The following PDE4D variants were observed in gnomAD, a reference collection of about 807,000 sequenced individuals.
The protein encoded by PDE4D is phosphodiesterase 4D.
PDE4D carries 24 observed loss-of-function variants against 87.4 expected under a neutral mutation model. The ratio of observed to expected loss-of-function variants is 0.27; its 90% CI spans 0.20 to 0.39. The LOEUF (loss-of-function observed/expected upper bound fraction) is 0.39. Among genes scored for constraint, PDE4D ranks in the 10% least tolerant of loss-of-function variants. PDE4D has a pLI of 1.00. For missense variants in PDE4D, 714 were observed against 1,041.0 expected (o/e 0.69, Z 4.32); for synonymous variants, 384 against 383.2 (o/e 1.00, Z -0.02).
chr5:60,339,372 C>A (rs752970779), intron 1 of PDE4D, among the ~76,000 whole-genome samples: 1 of 152,070 alleles, frequency 6.6e-6, no homozygotes, highest in African/African-American at 2.4e-5. Flanking sequence ...TAAGGGACCT[C>A]CAGGCGAGTC....
intron 1 of PDE4D, among the ~76,000 whole-genome samples, chr5:59,798,357 C>CA (rs201448472): frequency 0.016 from 2,444 of 149,106 alleles, 36 homozygotes; most frequent in Non-Finnish European, 0.026. Flanking sequence ...ATGTAATCAC[C>CA]AAAAAATTTT....
At chr5:60,142,340 C>T (rs1404027826) in intron 2 of PDE4D, among the ~76,000 whole-genome samples, 2 of 152,120 alleles carry the variant, frequency 1.3e-5, no homozygotes, top group Non-Finnish European at 2.9e-5. Context: ...ATACTCTTCA[C>T]AAGCAGTCTT....
chr5:60,482,029 G>T lies in PDE4D; in HGVS notation c.-90+5913C>A, dbSNP rs186296357. ...GGCAGAAATAGCTTAGTGGATCATT[G>T]TTGTGGACTGAATGTTCATATCGTC... On this transcript the variant is annotated intron_variant, in intron 1 of 16. Coordinates refer to the PDE4D transcript ENST00000502484. Among the ~76,000 whole-genome samples the T allele has an allele frequency of 5.1e-3, 780 of 152,306 alleles. 10 individuals are homozygous for T. Among genetic ancestry groups the T allele is most frequent in the African/African-American group, 0.017 (725 of 41,580 alleles).
chr5:60,239,410 G>A (rs1002414519), intron 1 of PDE4D, among the ~76,000 whole-genome samples: 4 of 152,030 alleles, frequency 2.6e-5, no homozygotes, highest in South Asian at 4.1e-4. Flanking sequence ...TATGACTGAC[G>A]CTTAGCTCTT....
intron 1 of PDE4D, among the ~76,000 whole-genome samples, chr5:59,714,721 G>T (rs960551957): frequency 6.6e-6 from 1 of 152,246 alleles, no homozygotes; most frequent in Non-Finnish European, 1.5e-5. Flanking sequence ...TCATAGTGTT[G>T]CTGCAGGGAT....
At chr5:60,520,752 C>A (rs151028423) in intron 1 of PDE4D, among the ~76,000 whole-genome samples, 1 of 152,222 alleles carries the variant, frequency 6.6e-6, no homozygotes, top group Admixed American at 6.5e-5. Context: ...TGGCCCACGG[C>A]CCTGGCCCAG....
chr5:60,078,929 A>G (rs1044854262), intron 2 of PDE4D, among the ~76,000 whole-genome samples: 1 of 152,170 alleles, frequency 6.6e-6, no homozygotes, highest in Non-Finnish European at 1.5e-5. Flanking sequence ...GTCAAATAGT[A>G]TTTCTGGTTC....
chr5:59,239,176 G>GT (rs1561786128), intron 1 of PDE4D, among the ~76,000 whole-genome samples: 3 of 152,206 alleles, frequency 2.0e-5, no homozygotes, highest in Non-Finnish European at 4.4e-5. Flanking sequence ...CTGTACTGCT[G>GT]TCTGTTGATA....
intron 1 of PDE4D, among the ~76,000 whole-genome samples, chr5:59,716,746 C>T (rs561912006): frequency 6.6e-5 from 10 of 152,184 alleles, no homozygotes; most frequent in Admixed American, 3.3e-4. Context: ...AACAATTCTC[C>T]GTCTTCATTG....
At chr5:59,087,969 T>G (rs184316523) in intron 5 of PDE4D, among the ~76,000 whole-genome samples, 196 of 152,310 alleles carry the variant, frequency 1.3e-3, no homozygotes, top group African/African-American at 4.5e-3. Context: ...TCATTGTCCT[T>G]TCTGTTTAAC....
chr5:59,150,341 T>C (rs1224594771), intron 5 of PDE4D, among the ~76,000 whole-genome samples: 1 of 152,206 alleles, frequency 6.6e-6, no homozygotes, highest in Non-Finnish European at 1.5e-5. Context: ...TCTCAAAAGA[T>C]CCATTCTGAC....
intron 2 of PDE4D, among the ~76,000 whole-genome samples, chr5:60,112,166 G>C (rs1321441490): frequency 6.6e-6 from 1 of 152,130 alleles, no homozygotes; most frequent in African/African-American, 2.4e-5. Flanking sequence ...ACTAATAGAA[G>C]AGCTGCCATT....
At chr5:59,423,364 T>G (rs1271837035) in intron 1 of PDE4D, among the ~76,000 whole-genome samples, 1 of 152,178 alleles carries the variant, frequency 6.6e-6, no homozygotes, top group Non-Finnish European at 1.5e-5. Flanking sequence ...GTAATTGTAA[T>G]GAAATTGTCC....
chr5:59,449,566 A>G (rs999758822), intron 1 of PDE4D, among the ~76,000 whole-genome samples: 1 of 152,220 alleles, frequency 6.6e-6, no homozygotes, highest in Non-Finnish European at 1.5e-5. Flanking sequence ...TGCCACAAAT[A>G]TCTTTACTCA....
rs149918033 is a variant in PDE4D at position 59,592,555 on chromosome 5, G to T, written c.455+300613C>A. ...TCAACTAATATAAAAAGCCATTTTGGATCATACTCCTCAAGGTTAAATCTT... is the reference window on the plus strand; with the variant it reads ...TCAACTAATATAAAAAGCCATTTTGTATCATACTCCTCAAGGTTAAATCTT... On this transcript the variant is annotated intron_variant, in intron 1 of 14. Coordinates refer to ENST00000340635, the MANE Select transcript of PDE4D (RefSeq NM_001104631.2). Among the ~76,000 whole-genome samples the T allele has an allele frequency of 1.4e-3, 212 of 152,120 alleles. 2 individuals are homozygous for T. The highest frequency in any genetic ancestry group is 4.8e-3 in the African/African-American group (201 of 41,514).
In PDE4D at chr5:59,486,371, T is replaced by C. The variant is rs150550467; in HGVS notation, c.456-270403A>G. Among the ~76,000 whole-genome samples, 510 of 152,308 alleles carry C rather than the reference T, an allele frequency of 3.3e-3. 2 individuals carry two copies. Among genetic ancestry groups the C allele is most frequent in the African/African-American group, 0.012 (502 of 41,554 alleles). ...GCTCTCCAGAAATAGAAGAAGCTTT[T>C]GGATATTTGAAATACATACCATCTT... On this transcript the variant is annotated intron_variant, in intron 1 of 14. Transcript: ENST00000340635.
chr5:60,337,370 T>A (rs1385632161), intron 1 of PDE4D, among the ~76,000 whole-genome samples: 1 of 117,008 alleles, frequency 8.5e-6, no homozygotes, highest in African/African-American at 3.3e-5. Context: ...TATATATATA[T>A]ATATATATAT....
intron 1 of PDE4D, among the ~76,000 whole-genome samples, chr5:59,626,744 T>C (rs888230535): frequency 2.0e-5 from 3 of 152,204 alleles, no homozygotes; most frequent in African/African-American, 4.8e-5. Context: ...ATAGAGTCAA[T>C]ATTTTGATTA....
intron 1 of PDE4D, among the ~76,000 whole-genome samples, chr5:59,774,079 T>C (rs1188253727): frequency 6.6e-6 from 1 of 152,110 alleles, no homozygotes; most frequent in African/African-American, 2.4e-5. Context: ...TTTGGAGAGA[T>C]AGGTAGTTTA....
Sources: gnomAD v4.1 joint callset for allele counts (sites outside exome capture counted in the v4.1 genomes callset) on GRCh38, gnomAD v4.1.1 for gene constraint, MANE v1.5 for transcripts, NCBI Gene and HGNC (gene_info 2026-07-23, HGNC 2026-07-21) for gene names.